ADAM32: variants seen among roughly 807,000 people sequenced by gnomAD.
ADAM32 encodes the protein disintegrin and metalloproteinase domain-containing protein 32.
A neutral mutation model predicts 114.9 loss-of-function variants in ADAM32; 89 were observed. That is an observed-to-expected ratio of 0.77 (90% confidence interval 0.65 to 0.92). ADAM32 has a LOEUF of 0.92. Among genes scored for constraint, ADAM32 ranks in the 40% least tolerant of loss-of-function variants. The pLI is 0.00. For missense variants in ADAM32, 870 were observed against 932.8 expected (o/e 0.93, Z 0.88); for synonymous variants, 285 against 307.5 (o/e 0.93, Z 0.77).
chr8:39,185,265 C>CAA (rs56073309), intron 10 of ADAM32, among the ~76,000 whole-genome samples: 1 of 121,574 alleles, frequency 8.2e-6, no homozygotes, highest in Non-Finnish European at 1.7e-5. Flanking sequence ...AACTCCATCT[C>CAA]AAAAAAAAAA....
intron 22 of ADAM32, among the ~76,000 whole-genome samples, chr8:39,279,550 G>A (rs9918816): frequency 0.034 from 5,231 of 152,294 alleles, 233 homozygotes; most frequent in African/African-American, 0.1. Context: ...CCAAAGTACT[G>A]TGATTGCAGG....
At chr8:39,130,906 T>G (rs953228495) in intron 2 of ADAM32, 2 of 455,750 alleles carry the variant, frequency 4.4e-6, no homozygotes, top group Admixed American at 4.7e-5. Flanking sequence ...ATAGTTTCAT[T>G]TATCATGCCT....
At chr8:39,153,152 G>A (rs1276020145) in intron 6 of ADAM32, among the ~76,000 whole-genome samples, 2 of 151,914 alleles carry the variant, frequency 1.3e-5, no homozygotes, top group Non-Finnish European at 2.9e-5. Flanking sequence ...CTGTGTAGAC[G>A]GCAATCCTAT....
rs1307024315 is a variant in ADAM32, at chr8:39,164,850, T to C, written c.666+15T>C. On this transcript the variant is annotated intron_variant, in intron 8 of 24. Transcript: ENST00000379907. ...TTGCAAATTCAGTAAGTGTTTTCCT[T>C]TTCATATTAAAATAATTGTTGTTTT... is the stretch of plus-strand genomic sequence containing the variant. The C allele has an allele frequency of 6.3e-7, 1 of 1,592,134 alleles. No individual in the cohort carries two copies.
intron 2 of ADAM32, among the ~76,000 whole-genome samples, chr8:39,134,842 A>G (rs755356352): frequency 1.2e-4 from 18 of 152,166 alleles, no homozygotes; most frequent in Non-Finnish European, 2.5e-4. Flanking sequence ...CTGCTTGCAC[A>G]TCAAATCCAC....
At chr8:39,151,350 C>T (rs1803813053) in intron 5 of ADAM32, 27 bp from the exon 6 acceptor site, 2 of 1,528,580 alleles carry the variant, frequency 1.3e-6, no homozygotes, top group Non-Finnish European at 1.8e-6. Flanking sequence ...ATTAAAAGCA[C>T]TTAAAATTGT....
chr8:39,249,869 G>A (rs1811174644), intron 17 of ADAM32, among the ~76,000 whole-genome samples: 1 of 151,994 alleles, frequency 6.6e-6, no homozygotes, highest in South Asian at 2.1e-4. Context: ...ATTTTTGCAA[G>A]ATAATTTCAA....
chr8:39,275,692 G>A, intron 21 of ADAM32, 136 bp from the exon 22 acceptor site: 1 of 770,808 alleles, frequency 1.3e-6, no homozygotes, highest in Non-Finnish European at 2.0e-6. Flanking sequence ...GTAGTCTTTT[G>A]AAATTATTCT....
At chr8:39,120,399 G>C (rs1271363486) in intron 2 of ADAM32, among the ~76,000 whole-genome samples, 1 of 152,126 alleles carries the variant, frequency 6.6e-6, no homozygotes, top group East Asian at 1.9e-4. Flanking sequence ...TATAGAGAAA[G>C]CTTTTATCGT....
chr8:39,216,547 G>A (rs1255583587), intron 12 of ADAM32, among the ~76,000 whole-genome samples: 2 of 145,564 alleles, frequency 1.4e-5, no homozygotes, highest in Non-Finnish European at 3.0e-5. Context: ...CTTCATTTTA[G>A]TAAAGGTGAT....
intron 2 of ADAM32, among the ~76,000 whole-genome samples, chr8:39,133,089 C>T (rs1802561638): frequency 6.6e-6 from 1 of 152,090 alleles, no homozygotes; most frequent in African/African-American, 2.4e-5. Flanking sequence ...TTTGTTCTCC[C>T]AAACCTCATG....
At chr8:39,256,980 C>T (rs1334490329) in intron 18 of ADAM32, among the ~76,000 whole-genome samples, 1 of 151,954 alleles carries the variant, frequency 6.6e-6, no homozygotes, top group Non-Finnish European at 1.5e-5. Flanking sequence ...TACTTTTGAA[C>T]TTTCCAAAAC....
chr8:39,165,249 T>C (rs2129446224), intron 9 of ADAM32, 53 bp downstream of exon 9: 1 of 1,253,024 alleles, frequency 8.0e-7, no homozygotes, highest in Non-Finnish European at 1.1e-6. Context: ...CTGTGATAAT[T>C]ATGTGGCTTA....
intron 16 of ADAM32, among the ~76,000 whole-genome samples, chr8:39,245,070 C>T (rs1253407835): frequency 4.6e-5 from 7 of 151,600 alleles, no homozygotes; most frequent in Non-Finnish European, 7.4e-5. Context: ...AAACAGACAA[C>T]CCACAGTGGC....
chr8:39,126,445 A>G (rs969765581), intron 2 of ADAM32, among the ~76,000 whole-genome samples: 1 of 152,180 alleles, frequency 6.6e-6, no homozygotes, highest in Non-Finnish European at 1.5e-5. Context: ...GCAGTTGTGA[A>G]TGGGAGTTAA....
At chr8:39,241,876 C>T (rs1052638956) in intron 16 of ADAM32, among the ~76,000 whole-genome samples, 5 of 152,214 alleles carry the variant, frequency 3.3e-5, no homozygotes, top group African/African-American at 1.2e-4. Context: ...AATTTCTTTT[C>T]AGCAAGTGGG....
At chr8:39,110,736 GCTGT>G (rs1840123402) in intron 1 of ADAM32, among the ~76,000 whole-genome samples, 2 of 152,274 alleles carry the variant, frequency 1.3e-5, no homozygotes, top group South Asian at 4.1e-4. Context: ...AGAAATCCTG[GCTGT>G]CTTTTTTATT....
rs140624001 is a variant in ADAM32 at position 39,127,179 on chromosome 8, C to T, written c.138+9014C>T. 8.7e-3 allele frequency among the ~76,000 whole-genome samples: 1,319 copies of T among 152,204 alleles called. 37 individuals carry two copies. Among genetic ancestry groups the T allele is most frequent in the East Asian group, 0.074 (382 of 5,176 alleles). On this transcript the variant is annotated intron_variant, in intron 2 of 24. Transcript: ENST00000379907. ...GTTTTGGTATCAGGATGATACTGGC[C>T]TCATAAAATGAGTTAGGGAGGAGTC...
intron 19 of ADAM32, among the ~76,000 whole-genome samples, chr8:39,270,124 C>T (rs1812619233): frequency 6.6e-6 from 1 of 152,136 alleles, no homozygotes; most frequent in Admixed American, 6.5e-5. Context: ...ATGGGGATTA[C>T]AATTTAAGAT....
Sources: allele counts gnomAD v4.1 joint callset (sites outside exome capture counted in the v4.1 genomes callset), GRCh38; gene constraint gnomAD v4.1.1; transcripts MANE v1.5; gene names NCBI Gene and HGNC (gene_info 2026-07-23, HGNC 2026-07-21).